Variants in DDX21 observed in about 807,000 individuals in gnomAD.
DDX21 encodes DExD-box helicase 21.
DDX21 carries 18 observed loss-of-function variants against 90.0 expected under a neutral mutation model. The observed-to-expected ratio is 0.20, with a 90% CI of 0.14 to 0.30. The LOEUF (loss-of-function observed/expected upper bound fraction) is 0.30. DDX21 is among the 10% of genes least tolerant of loss of function. DDX21 has a pLI of 1.00. For missense variants in DDX21, 673 were observed against 944.5 expected (o/e 0.71, Z 3.77); for synonymous variants, 294 against 318.0 (o/e 0.92, Z 0.80).
chr10:68,982,618 G>A lies in DDX21; in HGVS notation c.2158G>A (p.Gly720Arg), dbSNP rs1169016794. 6.2e-7 allele frequency: 1 copy of A among 1,614,052 alleles called. No individual in the cohort carries two copies. The highest frequency in any genetic ancestry group is 1.3e-5 in the African/African-American group (1 of 74,904). Residue 720 changes from glycine (G) to arginine (R), a missense_variant, in exon 15 of 15, where the codon GGA (glycine) becomes AGA (arginine). Physicochemically the swap from Gly to Arg is moderately radical, Grantham distance 125 (BLOSUM62 -2). Transcript: ENST00000354185. ...ACCAGAACTGGAAGGACCACGGGAAGGATATGGAGGCTTCAGGGGACAGCG... is the reference window on the plus strand; with the variant it reads ...ACCAGAACTGGAAGGACCACGGGAAAGATATGGAGGCTTCAGGGGACAGCG... ...EQPELEGPRE[G>R]YGGFRGQREG...
intron 1 of DDX21, 40 bp from the exon 2 acceptor site, chr10:68,959,766 C>T: frequency 1.5e-6 from 2 of 1,375,216 alleles, no homozygotes; most frequent in Non-Finnish European, 2.0e-6. Flanking sequence ...GTATAAATGC[C>T]TTATTCAGTG....
intron 8 of DDX21, among the ~76,000 whole-genome samples, chr10:68,971,471 C>T (rs1460151867): frequency 1.3e-5 from 2 of 151,954 alleles, no homozygotes; most frequent in Non-Finnish European, 2.9e-5. Flanking sequence ...GGTCTCAAAC[C>T]CCAGCCTCAA....
chr10:68,971,819 C>T (rs1263970350), intron 8 of DDX21, 72 bp from the exon 9 acceptor site: 1 of 1,483,750 alleles, frequency 6.7e-7, no homozygotes, highest in African/African-American at 1.4e-5. Context: ...CTTTTACAGG[C>T]CTAACTGATG....
rs200020984 is a variant in DDX21 at position 68,966,992 on chromosome 10, G to A, written c.905-26G>A. On this transcript the variant is annotated intron_variant, in intron 5 of 14. Coordinates refer to ENST00000354185, the MANE Select transcript of DDX21 (RefSeq NM_004728.4). The stretch of plus-strand genomic sequence containing the variant: ...GATAAAAGTACTTACTAAAAACCCA[G>A]CAAATCTTGTCATTGTTTTTTATAG... 2.5e-4 allele frequency: 394 copies of A among 1,598,116 alleles called. 1 individual carries two copies. In the Middle Eastern group the frequency reaches 3.3e-3, roughly 14 times the overall value.
At chr10:68,975,797 C>T (rs1434964012) in intron 11 of DDX21, among the ~76,000 whole-genome samples, 1 of 151,990 alleles carries the variant, frequency 6.6e-6, no homozygotes, top group Non-Finnish European at 1.5e-5. Flanking sequence ...ACCTGTAATC[C>T]CAGCACTTTG....
At chr10:68,970,093 A>T (rs1843000821) in intron 7 of DDX21, 108 bp from the exon 8 acceptor site, 3 of 1,106,650 alleles carry the variant, frequency 2.7e-6, no homozygotes, top group East Asian at 2.6e-5. Flanking sequence ...AGTTGTTTCC[A>T]GGAGCAAGAC....
At chr10:68,977,435 G>T (rs1334849615) in intron 11 of DDX21, 94 bp from the exon 12 acceptor site, 1 of 1,213,268 alleles carries the variant, frequency 8.2e-7, no homozygotes, top group Non-Finnish European at 1.1e-6. Context: ...ACATGTGAAA[G>T]ATTTGGAAAG....
chr10:68,973,753 T>G, intron 10 of DDX21, 89 bp downstream of exon 10: 1 of 1,496,916 alleles, frequency 6.7e-7, no homozygotes, highest in South Asian at 1.3e-5. Flanking sequence ...TTAAAATATT[T>G]TTATTTCTAG....
intron 9 of DDX21, 52 bp from the exon 10 acceptor site, chr10:68,973,493 T>TG (rs1843054266): frequency 4.3e-6 from 7 of 1,610,050 alleles, no homozygotes; most frequent in Middle Eastern, 1.7e-4. Flanking sequence ...GCTACTCAGG[T>TG]GTTTGTCTCT....
chr10:68,981,655 T>C, intron 14 of DDX21, 74 bp downstream of exon 14: 1 of 1,280,364 alleles, frequency 7.8e-7, no homozygotes, highest in Non-Finnish European at 1.1e-6. Context: ...TAGAGAATAA[T>C]AGATTGGGAA....
chr10:68,979,819 T>C (rs1843160335), intron 13 of DDX21, among the ~76,000 whole-genome samples: 1 of 152,230 alleles, frequency 6.6e-6, no homozygotes, highest in Non-Finnish European at 1.5e-5. Flanking sequence ...ATAAGATCCT[T>C]CATGTCCTGG....
chr10:68,961,839 A>G (rs1251297861), intron 2 of DDX21, among the ~76,000 whole-genome samples: 1 of 152,218 alleles, frequency 6.6e-6, no homozygotes, highest in African/African-American at 2.4e-5. Context: ...GTTGAGATCT[A>G]GTTACCCAGT....
At chr10:68,960,511 G>A (rs1842859701) in intron 2 of DDX21, among the ~76,000 whole-genome samples, 1 of 151,946 alleles carries the variant, frequency 6.6e-6, no homozygotes, top group Admixed American at 6.6e-5. Flanking sequence ...ACCTAGGCTG[G>A]AGTACAGTGG....
chr10:68,974,591 A>T (rs1843069231), intron 10 of DDX21, 79 bp from the exon 11 acceptor site: 5 of 1,199,978 alleles, frequency 4.2e-6, no homozygotes, highest in Non-Finnish European at 4.8e-6. Context: ...GGCCTATATT[A>T]AAAAATTAGG....
chr10:68,958,266 A>T lies in DDX21; in HGVS notation c.88-1540A>T, dbSNP rs190641173. ...TGGGATTACAGGTGTGAGCCACTGC[A>T]TCCTGCCCTTTTATTTTTTGTAGAG... On this transcript the variant is annotated intron_variant, in intron 1 of 14. Transcript: ENST00000354185. Among the ~76,000 whole-genome samples, 409 of 151,516 alleles carry T rather than the reference A, an allele frequency of 2.7e-3. 2 individuals carry two copies. Among genetic ancestry groups the T allele is most frequent in the Middle Eastern group, 0.021 (6 of 292 alleles).
rs12248931 is a variant in DDX21, at chr10:68,969,218, T to C, written c.1236+97T>C. The stretch of plus-strand genomic sequence containing the variant: ...GGCAAATGCTCTTTTTCCAGATAAA[T>C]ACTAAATCCATGTGAAAAGCCAAGG... On this transcript the variant is annotated intron_variant, in intron 7 of 14. Coordinates refer to ENST00000354185, the MANE Select transcript of DDX21 (RefSeq NM_004728.4). The C allele has an allele frequency of 8.3e-3, 9,828 of 1,179,328 alleles. 245 individuals carry two copies. The highest frequency in any genetic ancestry group is 0.078 in the African/African-American group (4,941 of 63,568). The allele number at this position is 1,179,328 out of a possible 1,614,324, so 73.1% of individuals were successfully genotyped here. A position where few individuals can be genotyped will look rare whatever the true frequency, so the allele number is the denominator to read the frequency against.
rs144919776 is a variant in DDX21 at position 68,984,548 on chromosome 10, G to C, written c.*1736G>C. 7.9e-5 allele frequency: 12 copies of C among 152,146 alleles called. No individual in the cohort carries two copies. The highest frequency in any genetic ancestry group is 1.5e-4 in the Non-Finnish European group (10 of 68,020). The allele number at this position is 152,146 out of a possible 1,614,324, so 9.4% of individuals were successfully genotyped here. On this transcript the variant is annotated 3_prime_UTR_variant, in exon 15 of 15. Transcript: ENST00000354185. ...TATTAGGTGACAGTGTAATTTATTA[G>C]ATTCTGGTTTTGCCCAAATACTGGG...
intron 1 of DDX21, among the ~76,000 whole-genome samples, chr10:68,959,119 A>T (rs547275054): frequency 2.7e-3 from 412 of 152,278 alleles, no homozygotes; most frequent in African/African-American, 9.3e-3. Context: ...GCCTTATTCT[A>T]TTGGAATTGA....
intron 1 of DDX21, chr10:68,956,848 C>T: frequency 1.3e-6 from 1 of 744,054 alleles, no homozygotes; most frequent in Non-Finnish European, 1.6e-6. Flanking sequence ...CGAGACCAGC[C>T]TGGCCAACAT....
Sources: gnomAD v4.1 joint callset for allele counts (sites outside exome capture counted in the v4.1 genomes callset) on GRCh38, gnomAD v4.1.1 for gene constraint, MANE v1.5 for transcripts, NCBI Gene and HGNC (gene_info 2026-07-23, HGNC 2026-07-21) for gene names.